ERI1: variants seen among roughly 807,000 people sequenced by gnomAD.
ERI1 encodes the protein 3'-5' exoribonuclease 1.
In ERI1, 39 loss-of-function variants were observed where a neutral mutation model predicts 39.7. The ratio of observed to expected loss-of-function variants is 0.98; its 90% CI spans 0.76 to 1.28. The LOEUF is 1.28. Ranked by LOEUF, ERI1 falls within the 50% of genes most tolerant of loss-of-function variation. The pLI, the probability that ERI1 is intolerant of heterozygous loss-of-function variation, is 0.00. For synonymous variants in ERI1, 204 were observed against 149.6 expected (o/e 1.36, Z -2.65); for missense variants, 581 against 416.9 (o/e 1.39, Z -3.43).
At chr8:9,091,081 C>T (rs1354732696) in intron 3 of ERI1, among the ~76,000 whole-genome samples, 1 of 152,146 alleles carries the variant, frequency 6.6e-6, no homozygotes, top group South Asian at 2.1e-4. Context: ...ATATGTTCCC[C>T]TATTTTATTT....
chr8:9,099,159 G>C (rs1337587978), intron 3 of ERI1, among the ~76,000 whole-genome samples: 8 of 152,136 alleles, frequency 5.3e-5, no homozygotes, highest in African/African-American at 1.7e-4. Context: ...TTTAACATCT[G>C]TATATACCCA....
chr8:9,066,209 C>A (rs1228144846), intron 3 of ERI1, among the ~76,000 whole-genome samples: 1 of 152,188 alleles, frequency 6.6e-6, no homozygotes, highest in Non-Finnish European at 1.5e-5. Context: ...TTATCGTCAG[C>A]CTCATCTCCC....
In ERI1 at chr8:9,033,062, T is replaced by A. The variant is rs1203317784; in HGVS notation, c.*3028T>A. The A allele has an allele frequency of 2.6e-5, 4 of 152,186 alleles. No individual in the cohort carries two copies. The East Asian group carries it at 7.7e-4, about 29-fold the overall frequency. 9.4% of individuals were successfully genotyped at this position (152,186 alleles called of 1,614,324 possible). Reference sequence around the variant, plus strand: ...TACATGAAGGACAGCATTACATCTTTTTTCTATTATACTTAGAAATTTCCT... The same window carrying A: ...TACATGAAGGACAGCATTACATCTTATTTCTATTATACTTAGAAATTTCCT... On this transcript the variant is annotated 3_prime_UTR_variant, in exon 7 of 7. Coordinates refer to ENST00000250263, the MANE Select transcript of ERI1 (RefSeq NM_153332.4).
Position 9,016,382 on chromosome 8 carries a change from A to G in ERI1, c.559A>G (p.Ile187Val). 1.2e-6 allele frequency: 2 copies of G among 1,607,146 alleles called. No homozygotes were observed. The highest frequency in any genetic ancestry group is 1.1e-5 in the South Asian group (1 of 90,172). ...EINTQLSDFCISLTGITQDQV... is the reference protein window; with the variant it reads ...EINTQLSDFCVSLTGITQDQV... Reference sequence around the variant, plus strand: ...TAACACACAGCTGTCTGATTTCTGCATCAGTCTAACTGGAATTACTCAGGT... The same window carrying G: ...TAACACACAGCTGTCTGATTTCTGCGTCAGTCTAACTGGAATTACTCAGGT... The change falls in exon 4 of 7, where the codon ATC (isoleucine) becomes GTC (valine). Residue 187 changes from isoleucine to valine, a missense_variant. Ile to Val is a conservative substitution (Grantham distance 29). Coordinates refer to ENST00000250263, the MANE Select transcript of ERI1 (RefSeq NM_153332.4).
downstream of ERI1, among the ~76,000 whole-genome samples, chr8:9,034,074 T>C (rs1797756629): frequency 6.6e-6 from 1 of 152,250 alleles, no homozygotes; most frequent in Non-Finnish European, 1.5e-5. Flanking sequence ...TTAGAAATGT[T>C]AGTGTCTTGA....
At chr8:9,077,180 A>C (rs1406296144) in intron 3 of ERI1, among the ~76,000 whole-genome samples, 1 of 152,168 alleles carries the variant, frequency 6.6e-6, no homozygotes, top group Middle Eastern at 3.2e-3. Flanking sequence ...CAGCCATATC[A>C]TCAGATTAAT....
chr8:9,036,389 A>G (rs1233206946), downstream of ERI1, among the ~76,000 whole-genome samples: 2 of 152,206 alleles, frequency 1.3e-5, no homozygotes, highest in Non-Finnish European at 2.9e-5. Context: ...GTAGCCCTCA[A>G]CGTTTGAGGC....
At chr8:9,096,553 G>A (rs1031200595) in intron 3 of ERI1, among the ~76,000 whole-genome samples, 1 of 152,124 alleles carries the variant, frequency 6.6e-6, no homozygotes, top group African/African-American at 2.4e-5. Flanking sequence ...AGGATGATCA[G>A]GAGGGAGGAG....
At chr8:9,087,802 G>GTTT (rs1799578813) in intron 3 of ERI1, among the ~76,000 whole-genome samples, 2 of 152,174 alleles carry the variant, frequency 1.3e-5, no homozygotes, top group African/African-American at 2.4e-5. Context: ...CACAGAGAGG[G>GTTT]AAAGGGGCAG....
intron 3 of ERI1, among the ~76,000 whole-genome samples, chr8:9,088,170 C>A (rs531586356): frequency 6.6e-6 from 1 of 152,068 alleles, no homozygotes; most frequent in African/African-American, 2.4e-5. Flanking sequence ...CCTTCTAACC[C>A]CGAAGAAAGC....
At chr8:9,005,263 T>C (rs970969215) in intron 1 of ERI1, among the ~76,000 whole-genome samples, 9 of 152,176 alleles carry the variant, frequency 5.9e-5, no homozygotes, top group African/African-American at 1.9e-4. Flanking sequence ...AATAATAGCA[T>C]TTCCAGAACA....
At position 9,019,382 on chromosome 8, in the gene ERI1, A is replaced by C. The variant is rs182668419; in HGVS notation, c.693-968A>C. ...CACATCATAACTGTTAAGTTTGGAA[A>C]AATGTTTATGGACCTCTTTAGAAAT... On this transcript the variant is annotated intron_variant, in intron 5 of 6. Coordinates refer to ENST00000250263, the MANE Select transcript of ERI1 (RefSeq NM_153332.4). Among the ~76,000 whole-genome samples, 1,140 of 152,322 alleles carry C rather than the reference A, an allele frequency of 7.5e-3. 11 individuals are homozygous for C. The highest frequency in any genetic ancestry group is 9.8e-3 in the Non-Finnish European group (669 of 68,024).
In ERI1 at chr8:9,047,240, G is replaced by C. The variant is rs539213708; in HGVS notation, n.299+26776G>C. Among the ~76,000 whole-genome samples the C allele has an allele frequency of 2.0e-5, 3 of 152,240 alleles. No homozygotes were observed. In the East Asian group the frequency reaches 5.8e-4, roughly 29 times the overall value. ...TCAAACAGAGACATTCATCTGGCTGGGGACTGGGAGTTTATAGCAGTGCCT... is the reference window on the plus strand; with the variant it reads ...TCAAACAGAGACATTCATCTGGCTGCGGACTGGGAGTTTATAGCAGTGCCT... On this transcript the variant is annotated intron_variant and non_coding_transcript_variant, in intron 3 of 3. Coordinates refer to the ERI1 transcript ENST00000518663.
chr8:9,038,489 G>T (rs1240358008), intron 3 of ERI1, among the ~76,000 whole-genome samples: 1 of 152,238 alleles, frequency 6.6e-6, no homozygotes, highest in African/African-American at 2.4e-5. Flanking sequence ...GCTGAGTGCA[G>T]TGGCACATGC....
At chr8:9,071,252 A>G (rs1365366275) in intron 3 of ERI1, among the ~76,000 whole-genome samples, 1 of 152,232 alleles carries the variant, frequency 6.6e-6, no homozygotes, top group Non-Finnish European at 1.5e-5. Flanking sequence ...ATCTAATGAT[A>G]ACCAGTTAAC....
Position 9,002,912 on chromosome 8 carries a change from TG to T in ERI1, c.-149del. The T allele has an allele frequency of 2.1e-6, 1 of 475,038 alleles. No individual in the cohort carries two copies. The highest frequency in any genetic ancestry group is 2.0e-5 in the African/African-American group (1 of 50,070). 29.4% of individuals were successfully genotyped at this position (475,038 alleles called of 1,614,324 possible). A position where few individuals can be genotyped will look rare whatever the true frequency, so the allele number is the denominator to read the frequency against. On this transcript the variant is annotated 5_prime_UTR_variant, in exon 1 of 7. Transcript: ENST00000250263. ...TGTGGACGCCACACGCTCCCGGAAG[TG>T]GGAGGTGGCCGCTGGAGTTTGTGTG...
intron 1 of ERI1, among the ~76,000 whole-genome samples, chr8:9,003,622 A>C (rs1482299901): frequency 6.6e-6 from 1 of 152,214 alleles, no homozygotes; most frequent in African/African-American, 2.4e-5. Context: ...TGTACCTGTT[A>C]AGTGGAGCTT....
At chr8:9,080,191 G>C (rs1799327330) in intron 3 of ERI1, among the ~76,000 whole-genome samples, 1 of 152,152 alleles carries the variant, frequency 6.6e-6, no homozygotes, top group Non-Finnish European at 1.5e-5. Context: ...TTTAAGAGGG[G>C]AGTAGGACGT....
intron 3 of ERI1, among the ~76,000 whole-genome samples, chr8:9,084,045 G>A (rs563178872): frequency 1.8e-3 from 280 of 152,224 alleles, no homozygotes; most frequent in African/African-American, 5.9e-3. Flanking sequence ...AACCCGCCTC[G>A]GCCTCCCAAA....
Sources: allele counts gnomAD v4.1 joint callset (sites outside exome capture counted in the v4.1 genomes callset), GRCh38; gene constraint gnomAD v4.1.1; transcripts MANE v1.5; gene names NCBI Gene and HGNC (gene_info 2026-07-23, HGNC 2026-07-21).